Variants in LSAMP observed in about 807,000 individuals in gnomAD.
LSAMP encodes the protein limbic system-associated membrane protein.
A neutral mutation model predicts 38.6 loss-of-function variants in LSAMP; 7 were observed. That is an observed-to-expected ratio of 0.18 (90% CI 0.10 to 0.34). LSAMP has a LOEUF of 0.34. Among genes scored for constraint, LSAMP ranks in the 10% least tolerant of loss-of-function variants. LSAMP has a pLI of 1.00. For synonymous variants in LSAMP, 154 were observed against 166.8 expected, an observed-to-expected ratio of 0.92 and a Z score of 0.59; for missense variants, 313 against 420.0, an observed-to-expected ratio of 0.75 and a Z score of 2.23.
chr3:116,067,872 G>A (rs1001164748), intron 2 of LSAMP, among the ~76,000 whole-genome samples: 1 of 152,034 alleles, frequency 6.6e-6, no homozygotes, highest in African/African-American at 2.4e-5. Flanking sequence ...AGGTTTTGCC[G>A]ATACATGCTT....
intron 3 of LSAMP, among the ~76,000 whole-genome samples, chr3:115,964,881 A>G (rs975437274): frequency 1.3e-5 from 2 of 152,150 alleles, no homozygotes; most frequent in Non-Finnish European, 2.9e-5. Context: ...ATTGAAAGCC[A>G]TTAAAGAAGA....
chr3:116,238,969 A>G (rs2046497924), intron 1 of LSAMP, among the ~76,000 whole-genome samples: 1 of 152,030 alleles, frequency 6.6e-6, no homozygotes, highest in Non-Finnish European at 1.5e-5. Context: ...TATAGCCATA[A>G]CCCAAGTGAC....
intron 3 of LSAMP, among the ~76,000 whole-genome samples, chr3:115,867,296 A>G (rs1477806862): frequency 1.3e-5 from 2 of 152,180 alleles, no homozygotes; most frequent in Non-Finnish European, 2.9e-5. Flanking sequence ...CCAACCTTCT[A>G]TACTAATCTA....
At chr3:115,947,472 G>A (rs1310660829) in intron 3 of LSAMP, among the ~76,000 whole-genome samples, 1 of 151,992 alleles carries the variant, frequency 6.6e-6, no homozygotes, top group Non-Finnish European at 1.5e-5. Context: ...AAATAAAAAG[G>A]TGAAACCTAT....
At chr3:116,198,424 G>C (rs2045940059) in intron 1 of LSAMP, among the ~76,000 whole-genome samples, 1 of 152,094 alleles carries the variant, frequency 6.6e-6, no homozygotes, top group East Asian at 1.9e-4. Flanking sequence ...AAAGATTTCT[G>C]GGTGGGAGTG....
At chr3:116,346,147 A>G (rs1445948930) in intron 1 of LSAMP, among the ~76,000 whole-genome samples, 3 of 152,306 alleles carry the variant, frequency 2.0e-5, no homozygotes, top group African/African-American at 4.8e-5. Context: ...ATGAAAATAT[A>G]AACTAATTTT....
At chr3:115,816,262 T>C (rs1390808887) in intron 6 of LSAMP, among the ~76,000 whole-genome samples, 2 of 152,216 alleles carry the variant, frequency 1.3e-5, no homozygotes, top group African/African-American at 4.8e-5. Flanking sequence ...GCATCTTTTC[T>C]GAGAGCCCTG....
At chr3:115,853,009 C>A (rs1307851783) in intron 3 of LSAMP, among the ~76,000 whole-genome samples, 1 of 152,126 alleles carries the variant, frequency 6.6e-6, no homozygotes, top group African/African-American at 2.4e-5. Context: ...GGTGCATGCA[C>A]TCACTCGTCG....
At chr3:116,200,436 T>C (rs538246063) in intron 1 of LSAMP, among the ~76,000 whole-genome samples, 30 of 152,254 alleles carry the variant, frequency 2.0e-4, no homozygotes, top group African/African-American at 7.0e-4. Flanking sequence ...CTAATAACAG[T>C]GGATTTTTCA....
chr3:116,275,215 G>C (rs540331154), intron 1 of LSAMP, among the ~76,000 whole-genome samples: 3 of 151,714 alleles, frequency 2.0e-5, no homozygotes, highest in African/African-American at 7.3e-5. Flanking sequence ...ATCATGCCTG[G>C]CTAATTAAAA....
chr3:115,972,024 T>C (rs1319420436), intron 3 of LSAMP, among the ~76,000 whole-genome samples: 1 of 152,066 alleles, frequency 6.6e-6, no homozygotes, highest in Non-Finnish European at 1.5e-5. Context: ...TTTTCAAGAA[T>C]ATACATTTCA....
intron 3 of LSAMP, among the ~76,000 whole-genome samples, chr3:115,996,642 T>A: frequency 6.6e-6 from 1 of 152,004 alleles, no homozygotes; most frequent in Non-Finnish European, 1.5e-5. Flanking sequence ...GGTATGGATG[T>A]GGGGAAAAAA....
intron 1 of LSAMP, among the ~76,000 whole-genome samples, chr3:116,279,220 A>G (rs2047094732): frequency 6.6e-6 from 1 of 152,180 alleles, no homozygotes; most frequent in African/African-American, 2.4e-5. Context: ...TTGCCCTCAA[A>G]CAATACATAT....
At chr3:116,268,044 T>C (rs2046915281) in intron 1 of LSAMP, among the ~76,000 whole-genome samples, 1 of 152,188 alleles carries the variant, frequency 6.6e-6, no homozygotes. Flanking sequence ...ATTTCTGCTC[T>C]GGACATCTCT....
At chr3:116,439,814 A>C (rs150200919) in intron 1 of LSAMP, among the ~76,000 whole-genome samples, 2,429 of 152,312 alleles carry the variant, frequency 0.016, 75 homozygotes, top group African/African-American at 0.056. Context: ...CCTCCGCCTC[A>C]CGGGTTCAAG....
At chr3:116,057,321 A>G (rs1270454346) in intron 2 of LSAMP, among the ~76,000 whole-genome samples, 3 of 152,232 alleles carry the variant, frequency 2.0e-5, no homozygotes, top group Non-Finnish European at 4.4e-5. Context: ...TTAGCCATAC[A>G]TACATCTGGA....
At chr3:116,087,193 G>T (rs1246537880) in intron 1 of LSAMP, among the ~76,000 whole-genome samples, 1 of 152,186 alleles carries the variant, frequency 6.6e-6, no homozygotes, top group Non-Finnish European at 1.5e-5. Flanking sequence ...AAGCTTGTTT[G>T]GTGGCAAGTT....
intron 1 of LSAMP, among the ~76,000 whole-genome samples, chr3:116,165,779 A>G (rs1203239882): frequency 6.6e-6 from 1 of 152,142 alleles, no homozygotes; most frequent in African/African-American, 2.4e-5. Context: ...TGCTACAAAT[A>G]TGCCAAACTT....
chr3:116,324,692 T>A (rs2047746665), intron 1 of LSAMP, among the ~76,000 whole-genome samples: 1 of 152,194 alleles, frequency 6.6e-6, no homozygotes, highest in Admixed American at 6.6e-5. Context: ...ATAGCCTCTG[T>A]GTGAATAGCA....
Sources: allele counts gnomAD v4.1 joint callset (sites outside exome capture counted in the v4.1 genomes callset), GRCh38; gene constraint gnomAD v4.1.1; transcripts MANE v1.5; gene names NCBI Gene and HGNC (gene_info 2026-07-23, HGNC 2026-07-21).